Variants in ADGRA3 observed in about 807,000 individuals in gnomAD.
The protein encoded by ADGRA3 is adhesion G protein-coupled receptor A3, also known as G-protein coupled receptor 125.
Under a neutral mutation model 119.8 loss-of-function variants are expected in ADGRA3, and 56 were observed. That is an observed-to-expected ratio of 0.47 (90% CI 0.38 to 0.58). The LOEUF (loss-of-function observed/expected upper bound fraction) is 0.58, where lower values mean the gene tolerates loss of function less well. Among genes scored for constraint, ADGRA3 ranks in the 20% least tolerant of loss-of-function variants. ADGRA3 has a pLI of 0.00. For synonymous variants in ADGRA3, 607 were observed against 623.8 expected (o/e 0.97, Z 0.40); for missense variants, 1,516 against 1,649.0 (o/e 0.92, Z 1.40).
intron 16 of ADGRA3, chr4:22,398,088 CCAT>C: frequency 2.0e-6 from 2 of 985,184 alleles, no homozygotes; most frequent in African/African-American, 3.5e-5. Context: ...GATCTGAGAC[CCAT>C]CATCTGACTT....
At chr4:22,512,881 G>A (rs142474094) in intron 1 of ADGRA3, among the ~76,000 whole-genome samples, 15 of 148,356 alleles carry the variant, frequency 1.0e-4, no homozygotes, top group Non-Finnish European at 7.5e-5. Flanking sequence ...ACTTCAACAC[G>A]CTACCTACTA....
chr4:22,476,101 T>G (rs1314745906), intron 1 of ADGRA3, among the ~76,000 whole-genome samples: 1 of 152,144 alleles, frequency 6.6e-6, no homozygotes, highest in African/African-American at 2.4e-5. Context: ...CCAAAAACAT[T>G]CCGATTAAAA....
chr4:22,511,953 G>A lies in ADGRA3; in HGVS notation c.257+3575C>T, dbSNP rs187718928. On this transcript the variant is annotated intron_variant, in intron 1 of 18. Coordinates refer to ENST00000334304, the MANE Select transcript of ADGRA3 (RefSeq NM_145290.4). ...ACTCTGTCACCCAGGCTGAAGTGCAGTGGCACGATCTTCACTCACTGCAAC... is the reference window on the plus strand; with the variant it reads ...ACTCTGTCACCCAGGCTGAAGTGCAATGGCACGATCTTCACTCACTGCAAC... Among the ~76,000 whole-genome samples the A allele has an allele frequency of 9.7e-3, 1,227 of 126,814 alleles. 22 individuals carry two copies. Among genetic ancestry groups the A allele is most frequent in the African/African-American group, 0.035 (1,154 of 33,340 alleles). The allele number at this position is 126,814 out of a possible 152,430, so 83.2% of individuals were successfully genotyped here.
At chr4:22,505,018 C>T (rs1560351097) in intron 1 of ADGRA3, among the ~76,000 whole-genome samples, 3 of 152,148 alleles carry the variant, frequency 2.0e-5, no homozygotes, top group East Asian at 3.9e-4. Flanking sequence ...GGTAACTACT[C>T]CTCTGATGCT....
At chr4:22,494,737 T>A (rs550245040) in intron 1 of ADGRA3, among the ~76,000 whole-genome samples, 5 of 152,016 alleles carry the variant, frequency 3.3e-5, no homozygotes, top group Non-Finnish European at 5.9e-5. Flanking sequence ...TCTAATTAAA[T>A]CTTCTGTGTG....
chr4:22,390,411 ATTATATATATATAATACG>A (rs1714086737), intron 17 of ADGRA3, among the ~76,000 whole-genome samples: 1 of 103,276 alleles, frequency 9.7e-6, no homozygotes, highest in East Asian at 2.7e-4. Context: ...TAAAATACGT[ATTATATATATATAATACG>A]TATTATATAT....
intron 11 of ADGRA3, among the ~76,000 whole-genome samples, chr4:22,422,752 G>T (rs1337497960): frequency 1.3e-5 from 2 of 152,146 alleles, no homozygotes; most frequent in African/African-American, 2.4e-5. Context: ...TCAGAGAAAG[G>T]GGGGAAGTTC....
intron 2 of ADGRA3, among the ~76,000 whole-genome samples, chr4:22,470,577 G>C (rs1437919667): frequency 6.6e-6 from 1 of 152,108 alleles, no homozygotes; most frequent in African/African-American, 2.4e-5. Context: ...GTAATTCCTT[G>C]TTCTGCCAAC....
chr4:22,445,072 T>C lies in ADGRA3; in HGVS notation c.607A>G (p.Lys203Glu). 4.3e-6 allele frequency: 7 copies of C among 1,613,966 alleles called. No homozygotes were observed. The Admixed American group carries it at 8.3e-5, about 19-fold the overall frequency. The change falls in exon 6 of 19, where the codon AAG becomes GAG. Residue 203 changes from lysine to glutamate, a missense_variant. Physicochemically the swap from Lys to Glu is moderately conservative, Grantham distance 56. Around this residue, in one of 2 missense-constraint regions of ADGRA3, gnomAD observed 428 missense variants for 541.9 expected, o/e 0.79. Coordinates refer to ENST00000334304, the MANE Select transcript of ADGRA3 (RefSeq NM_145290.4). ...TCCCGTACCGTGATGTTCTTCTCCT[T>C]TACCCAGCGATGCATCCACAGTATG... ...CNILWMHRWVKEKNITVRDTR... is the reference protein window; with the variant it reads ...CNILWMHRWVEEKNITVRDTR...
At chr4:22,408,398 A>T (rs1715045132) in intron 14 of ADGRA3, among the ~76,000 whole-genome samples, 1 of 152,160 alleles carries the variant, frequency 6.6e-6, no homozygotes, top group South Asian at 2.1e-4. Context: ...CATAAATCCA[A>T]CAGGGAGCTC....
At chr4:22,456,379 C>T (rs922971330) in intron 3 of ADGRA3, among the ~76,000 whole-genome samples, 1 of 152,112 alleles carries the variant, frequency 6.6e-6, no homozygotes, top group Non-Finnish European at 1.5e-5. Flanking sequence ...GGGTGGGCAC[C>T]ATCCAGTCAG....
rs776179924 is a variant in ADGRA3 at position 22,438,344 on chromosome 4, T to C, written c.997A>G (p.Asn333Asp). The change falls in exon 8 of 19, where the codon AAT (asparagine) becomes GAT (aspartate). Residue 333 changes from asparagine (N) to aspartate (D), a missense_variant. This residue lies in a region of ADGRA3 where 428 missense variants were observed against 541.9 expected (regional missense o/e 0.79). Transcript: ENST00000334304. ...GCHVQTKRGN[N>D]TRTVDIVVLE... is the part of the protein sequence containing the mutation. Reference sequence around the variant, plus strand: ...ACCACAATATCCACAGTCCTCGTATTATTCCCACGTTTGGTCTGGACATGA... The same window carrying C: ...ACCACAATATCCACAGTCCTCGTATCATTCCCACGTTTGGTCTGGACATGA... The C allele has an allele frequency of 6.2e-6, 10 of 1,613,378 alleles. No homozygotes were observed. The highest frequency in any genetic ancestry group is 2.2e-5 in the South Asian group (2 of 91,066).
chr4:22,487,206 A>G (rs925647265), intron 1 of ADGRA3, among the ~76,000 whole-genome samples: 2 of 152,194 alleles, frequency 1.3e-5, no homozygotes, highest in East Asian at 1.9e-4. Context: ...TATTGTTTAG[A>G]TAAGTATTTT....
intron 4 of ADGRA3, among the ~76,000 whole-genome samples, chr4:22,453,986 G>A (rs868833688): frequency 1.4e-4 from 22 of 151,896 alleles, no homozygotes; most frequent in South Asian, 4.1e-4. Flanking sequence ...TCAGCCTCCC[G>A]AGTAGCTGGG....
intron 1 of ADGRA3, among the ~76,000 whole-genome samples, chr4:22,479,898 G>A (rs926267202): frequency 2.0e-5 from 3 of 152,108 alleles, no homozygotes; most frequent in Admixed American, 2.0e-4. Flanking sequence ...CACAGGAACA[G>A]AAAACCAAAT....
intron 16 of ADGRA3, chr4:22,394,295 A>G (rs1047280216): frequency 1.3e-5 from 2 of 152,250 alleles, no homozygotes; most frequent in African/African-American, 4.8e-5. Flanking sequence ...TTTGCAGGAG[A>G]AAGCCAGGGT....
chr4:22,472,269 G>T (rs1257324938), intron 2 of ADGRA3, among the ~76,000 whole-genome samples: 1 of 152,158 alleles, frequency 6.6e-6, no homozygotes, highest in Non-Finnish European at 1.5e-5. Context: ...GGAATGTACT[G>T]TCTCACACAA....
chr4:22,515,395 T>C (rs1336623164), intron 1 of ADGRA3, 133 bp downstream of exon 1: 2 of 1,151,568 alleles, frequency 1.7e-6, no homozygotes, highest in Non-Finnish European at 2.3e-6. Context: ...CACGAGGTCT[T>C]TCCTAGCACC....
rs1210412915 is a variant in ADGRA3, at chr4:22,461,827, A to G, written c.330-19T>C. ...GAGGTCCCTGTTAAAAATAAAATAA[A>G]AGTTATTCACATATCAACACTGCAA... On this transcript the variant is annotated intron_variant, in intron 2 of 18. Transcript: ENST00000334304. 1.3e-6 allele frequency: 2 copies of G among 1,536,768 alleles called. No individual in the cohort carries two copies. Among genetic ancestry groups the G allele is most frequent in the East Asian group, 4.5e-5 (2 of 44,432 alleles).
Sources: allele counts gnomAD v4.1 joint callset (sites outside exome capture counted in the v4.1 genomes callset), GRCh38; gene constraint gnomAD v4.1.1; regional missense constraint gnomAD v4.1.1; transcripts MANE v1.5; gene names NCBI Gene and HGNC (gene_info 2026-07-23, HGNC 2026-07-21).